LYPD3: variants seen among roughly 807,000 people sequenced by gnomAD.
LYPD3 encodes the protein LY6/PLAUR domain containing 3.
A neutral mutation model predicts 21.7 loss-of-function variants in LYPD3; 22 were observed. The ratio of observed to expected loss-of-function variants is 1.01; its 90% CI spans 0.72 to 1.45. LYPD3 has a LOEUF of 1.45. Among genes scored for constraint, LYPD3 ranks in the 40% most tolerant of loss-of-function variants. The pLI is 0.00. For synonymous variants in LYPD3, 179 were observed against 203.0 expected (o/e 0.88, Z 1.00); for missense variants, 471 against 466.9 (o/e 1.01, Z -0.08).
rs750318503 is a variant in LYPD3 at position 43,461,359 on chromosome 19, G to C, written c.1033C>G (p.Leu345Val). The change falls in exon 5 of 5, where the codon CTA (leucine) becomes GTA (valine). Residue 345 changes from leucine to valine, a missense_variant. Leu to Val is a conservative substitution (Grantham distance 32). Transcript: ENST00000244333. The part of the protein sequence containing the change: ...ALLLAVAAGV[L>V]L ...TTTCCAGGTGGAGAAGCTCACAGTA[G>C]GACACCAGCAGCCACGGCCAACAGA... 49 of 1,601,058 alleles carry C rather than the reference G, an allele frequency of 3.1e-5. No individual in the cohort carries two copies. Among genetic ancestry groups the C allele is most frequent in the Non-Finnish European group, 3.9e-5 (46 of 1,172,188 alleles).
chr19:43,463,492 A>G lies in LYPD3; in HGVS notation c.382+107T>C, dbSNP rs769628299. ...TGGCCCCGCCCCAGAGTGTGACCCC[A>G]CCCCCAGCCCAGGTCGAGTACTCCC... On this transcript the variant is annotated intron_variant, in intron 3 of 4. Transcript: ENST00000244333. 3 of 1,218,458 alleles carry G rather than the reference A, an allele frequency of 2.5e-6. No individual in the cohort carries two copies. The South Asian group carries it at 3.9e-5, about 16-fold the overall frequency. 75.5% of individuals were successfully genotyped at this position (1,218,458 alleles called of 1,614,324 possible).
intron 2 of LYPD3, chr19:43,464,052 G>T: frequency 1.6e-6 from 1 of 614,364 alleles, no homozygotes; most frequent in South Asian, 2.0e-5. Flanking sequence ...CTCATTGGTG[G>T]AGCAGAAAAA....
At chr19:43,463,444 A>T (rs774481647) in intron 3 of LYPD3, 155 bp downstream of exon 3, 10 of 1,369,634 alleles carry the variant, frequency 7.3e-6, no homozygotes, top group Non-Finnish European at 1.0e-5. Context: ...GCCTACAGCC[A>T]GAAAGTCCCT....
intron 4 of LYPD3, among the ~76,000 whole-genome samples, chr19:43,462,554 G>C (rs11671504): frequency 6.6e-6 from 1 of 152,180 alleles, no homozygotes; most frequent in African/African-American, 2.4e-5. Context: ...CTACTTGGGA[G>C]GCTGAGGCGG....
Position 43,461,094 on chromosome 19 carries a change from GGACAAGCGGAGA to G in LYPD3, c.*245_*256del, listed in dbSNP as rs1231245889. 8.2e-6 allele frequency: 4 copies of G among 486,878 alleles called. No homozygotes were observed. The highest frequency in any genetic ancestry group is 1.5e-5 in the Non-Finnish European group (4 of 272,050). The allele number at this position is 486,878 out of a possible 1,614,324, so 30.2% of individuals were successfully genotyped here. A position where few individuals can be genotyped will look rare whatever the true frequency, so the allele number is the denominator to read the frequency against. On this transcript the variant is annotated 3_prime_UTR_variant, in exon 5 of 5. Coordinates refer to ENST00000244333, the MANE Select transcript of LYPD3 (RefSeq NM_014400.3). ...CTCACTCTGTCCTAACATCACAAGAGGACAAGCGGAGAGACAAGGATGAGAAGGATACAGGAG... is the reference window on the plus strand; with the variant it reads ...CTCACTCTGTCCTAACATCACAAGAGGACAAGGATGAGAAGGATACAGGAG...
intron 2 of LYPD3, 150 bp downstream of exon 2, chr19:43,464,175 A>G: frequency 9.5e-7 from 1 of 1,052,052 alleles, no homozygotes; most frequent in Non-Finnish European, 1.3e-6. Context: ...CCTGGCCTGC[A>G]AGGCTGTGTC....
At position 43,463,569 on chromosome 19, in the gene LYPD3, C is replaced by G. The variant is rs939905360; in HGVS notation, c.382+30G>C. 4.4e-6 allele frequency: 7 copies of G among 1,595,958 alleles called. No individual in the cohort carries two copies. In the African/African-American group the frequency reaches 9.4e-5, roughly 21 times the overall value. On this transcript the variant is annotated intron_variant, in intron 3 of 4. Coordinates refer to ENST00000244333, the MANE Select transcript of LYPD3 (RefSeq NM_014400.3). ...TTGGCAGGCCCGAATGTGGCTCCGC[C>G]CCCGCAGCTACGGCCCGGCCCCCAC...
At chr19:43,465,365 A>T in intron 1 of LYPD3, 128 bp downstream of exon 1, 1 of 1,035,022 alleles carries the variant, frequency 9.7e-7, no homozygotes, top group Non-Finnish European at 1.4e-6. Flanking sequence ...GGATGGGGGA[A>T]CTTTGCCCAC....
In LYPD3 at chr19:43,463,717, G is replaced by C. The variant is rs139578588; in HGVS notation, c.264C>G (p.Gly88=). Residue 88 remains glycine, a synonymous_variant, in exon 3 of 5, where the codon GGC becomes GGG. Transcript: ENST00000244333. ...AVRGCGSGLP[G]KNDRGLDLHG... Reference sequence around the variant, plus strand: ...GAAGATCCAGGCCGCGGTCATTCTTGCCGGGGAGTCCCGAACCGCAACCCC... The same window carrying C: ...GAAGATCCAGGCCGCGGTCATTCTTCCCGGGGAGTCCCGAACCGCAACCCC... 76 of 1,613,094 alleles carry C rather than the reference G, an allele frequency of 4.7e-5. No homozygotes were observed. In the African/African-American group the frequency reaches 8.9e-4, roughly 19 times the overall value.
In LYPD3 at chr19:43,463,780, G is replaced by A. The variant is rs375300181; in HGVS notation, c.212-11C>T. On this transcript the variant is annotated splice_polypyrimidine_tract_variant and intron_variant, in intron 2 of 4. Transcript: ENST00000244333. ...AGAATTGTCCGTGGACTAGGGAGAG[G>A]GACAAGGGCGGGATTAGCTGTGGGC... 2.2e-5 allele frequency: 36 copies of A among 1,611,694 alleles called. 1 individual carries two copies. The African/African-American group carries it at 3.9e-4, about 17-fold the overall frequency.
At chr19:43,463,496 C>T (rs1456940094) in intron 3 of LYPD3, 103 bp downstream of exon 3, 1 of 1,468,144 alleles carries the variant, frequency 6.8e-7, no homozygotes, top group East Asian at 2.4e-5. Flanking sequence ...GACCCCACCC[C>T]CAGCCCAGGT....
chr19:43,464,283 G>T, intron 2 of LYPD3, 42 bp downstream of exon 2: 2 of 1,563,144 alleles, frequency 1.3e-6, no homozygotes, highest in South Asian at 1.2e-5. Flanking sequence ...CTGGGCCGGA[G>T]GAGCCTGCAG....
chr19:43,463,421 G>T (rs1292666504), intron 3 of LYPD3, 134 bp from the exon 4 acceptor site: 5 of 1,366,758 alleles, frequency 3.7e-6, no homozygotes, highest in Non-Finnish European at 5.0e-6. Context: ...GCCCCAGCGC[G>T]CAACCTCGCG....
chr19:43,464,238 T>A, intron 2 of LYPD3, 87 bp downstream of exon 2: 1 of 1,502,050 alleles, frequency 6.7e-7, no homozygotes, highest in Non-Finnish European at 8.9e-7. Flanking sequence ...TAAAGGGGCG[T>A]GGCCAGATCC....
At position 43,461,582 on chromosome 19, in the gene LYPD3, T is replaced by C; in HGVS notation, c.810A>G (p.Lys270=). 1 of 1,613,712 alleles carries C rather than the reference T, an allele frequency of 6.2e-7. No homozygotes were observed. The highest frequency in any genetic ancestry group is 8.5e-7 in the Non-Finnish European group (1 of 1,179,908). ...SAPVRPTSTT[K]PMPAPTSQTP... Reference sequence around the variant, plus strand: ...TCTGACTGGTTGGCGCTGGCATGGGTTTGGTGGTGGATGTGGGTCTCACTG... The same window carrying C: ...TCTGACTGGTTGGCGCTGGCATGGGCTTGGTGGTGGATGTGGGTCTCACTG... The change falls in exon 5 of 5, where the codon AAA becomes AAG. Residue 270 remains lysine, a synonymous_variant. Transcript: ENST00000244333.
At position 43,463,679 on chromosome 19, in the gene LYPD3, G is replaced by A. The variant is rs1308447820; in HGVS notation, c.302C>T (p.Ala101Val). 1.9e-6 allele frequency: 3 copies of A among 1,611,112 alleles called. No homozygotes were observed. Among genetic ancestry groups the A allele is most frequent in the Non-Finnish European group, 1.7e-6 (2 of 1,180,022 alleles). ...DRGLDLHGLL[A>V]FIQLQQCAQD... ...AGCGCATTGCTGCAGCTGGATGAAC[G>A]CCAGAAGCCCGTGAAGATCCAGGCC... Residue 101 changes from alanine to valine, a missense_variant, in exon 3 of 5, where the codon GCG becomes GTG. Coordinates refer to ENST00000244333, the MANE Select transcript of LYPD3 (RefSeq NM_014400.3).
In LYPD3 at chr19:43,463,688, C is replaced by T; in HGVS notation, c.293G>A (p.Gly98Glu). The T allele has an allele frequency of 6.2e-7, 1 of 1,612,174 alleles. No individual in the cohort carries two copies. The highest frequency in any genetic ancestry group is 1.3e-5 in the African/African-American group (1 of 75,060). Residue 98 changes from glycine to glutamate, a missense_variant, in exon 3 of 5, where the codon GGG (glycine) becomes GAG (glutamate). Transcript: ENST00000244333. ...CTGCAGCTGGATGAACGCCAGAAGC[C>T]CGTGAAGATCCAGGCCGCGGTCATT... is the stretch of plus-strand genomic sequence containing the variant. ...GKNDRGLDLH[G>E]LLAFIQLQQC...
At position 43,461,154 on chromosome 19, in the gene LYPD3, C is replaced by A. The variant is rs944571723; in HGVS notation, c.*197G>T. On this transcript the variant is annotated 3_prime_UTR_variant, in exon 5 of 5. Coordinates refer to ENST00000244333, the MANE Select transcript of LYPD3 (RefSeq NM_014400.3). ...GAGCTGTCCTCAAAAAGCTAGAACA[C>A]CCCTGGCAGAATATATACAACGGTA... is the stretch of plus-strand genomic sequence containing the variant. The A allele has an allele frequency of 6.3e-6, 4 of 634,346 alleles. No individual in the cohort carries two copies. The African/African-American group carries it at 7.3e-5, about 12-fold the overall frequency. 39.3% of individuals were successfully genotyped at this position (634,346 alleles called of 1,614,324 possible). A position where few individuals can be genotyped will look rare whatever the true frequency, so the allele number is the denominator to read the frequency against.
At chr19:43,464,284 G>C in intron 2 of LYPD3, 41 bp downstream of exon 2, 2 of 1,564,418 alleles carry the variant, frequency 1.3e-6, no homozygotes, top group Non-Finnish European at 1.7e-6. Context: ...TGGGCCGGAG[G>C]AGCCTGCAGT....
Sources: allele counts gnomAD v4.1 joint callset (sites outside exome capture counted in the v4.1 genomes callset), GRCh38; gene constraint gnomAD v4.1.1; transcripts MANE v1.5; gene names NCBI Gene and HGNC (gene_info 2026-07-23, HGNC 2026-07-21).